Variants in EPHA3 observed in about 807,000 individuals in gnomAD.
The protein encoded by EPHA3 is ephrin type-A receptor 3.
Under a neutral mutation model 107.1 loss-of-function variants are expected in EPHA3, and 42 were observed. That is an observed-to-expected ratio of 0.39 (90% CI 0.31 to 0.51). EPHA3 has a LOEUF of 0.51. Ranked by LOEUF, EPHA3 falls within the 20% of genes least tolerant of loss-of-function variation. The probability of loss-of-function intolerance (pLI) is 0.78; values close to 1 mark genes in which losing one functional copy is unlikely to be tolerated. For missense variants in EPHA3, 1,183 were observed against 1,211.2 expected (o/e 0.98, Z 0.35); for synonymous variants, 461 against 424.8 (o/e 1.09, Z -1.05).
At chr3:89,274,841 C>T (rs1576282381) in intron 3 of EPHA3, among the ~76,000 whole-genome samples, 1 of 152,040 alleles carries the variant, frequency 6.6e-6, no homozygotes, top group South Asian at 2.1e-4. Context: ...TAATCTTCAC[C>T]AAGCCACTCC....
At chr3:89,122,741 A>G (rs1243252280) in intron 1 of EPHA3, among the ~76,000 whole-genome samples, 2 of 152,220 alleles carry the variant, frequency 1.3e-5, no homozygotes, top group Non-Finnish European at 2.9e-5. Flanking sequence ...AAAACTCCAG[A>G]AACTTGTACA....
In EPHA3 at chr3:89,450,303, G is replaced by A; in HGVS notation, c.2623G>A (p.Val875Ile). Residue 875 changes from valine to isoleucine, a missense_variant, in exon 15 of 17, where the codon GTT becomes ATT. Coordinates refer to ENST00000336596, the MANE Select transcript of EPHA3 (RefSeq NM_005233.6). ...CAACAGACCCAAGTTTGAGCAGATT[G>A]TTAGTATTCTGGACAAGCTTATCCG... ...RNNRPKFEQI[V>I]SILDKLIRNP... is the part of the protein sequence containing the mutation. 1 of 1,614,002 alleles carries A rather than the reference G, an allele frequency of 6.2e-7. No individual in the cohort carries two copies. The highest frequency in any genetic ancestry group is 8.5e-7 in the Non-Finnish European group (1 of 1,179,950).
At chr3:89,324,857 C>G (rs553126098) in intron 3 of EPHA3, among the ~76,000 whole-genome samples, 2 of 152,140 alleles carry the variant, frequency 1.3e-5, no homozygotes, top group Admixed American at 6.5e-5. Context: ...CCACCTCCCT[C>G]TTTCCTTGCC....
At chr3:89,180,673 T>C (rs1306266511) in intron 2 of EPHA3, among the ~76,000 whole-genome samples, 3 of 151,990 alleles carry the variant, frequency 2.0e-5, no homozygotes, top group Non-Finnish European at 4.4e-5. Flanking sequence ...ATAAAACAAT[T>C]GGACTGTTTC....
intron 3 of EPHA3, among the ~76,000 whole-genome samples, chr3:89,285,744 G>T (rs1425903065): frequency 5.3e-5 from 8 of 152,150 alleles, no homozygotes; most frequent in Non-Finnish European, 8.8e-5. Context: ...GTCAATCACT[G>T]AGACAACAAG....
intron 7 of EPHA3, among the ~76,000 whole-genome samples, chr3:89,401,209 A>G (rs532440451): frequency 5.3e-5 from 8 of 152,350 alleles, no homozygotes; most frequent in African/African-American, 1.9e-4. Flanking sequence ...CTGTCGGACA[A>G]TTAGAAATGC....
At chr3:89,253,591 T>G (rs1705212837) in intron 3 of EPHA3, among the ~76,000 whole-genome samples, 1 of 152,132 alleles carries the variant, frequency 6.6e-6, no homozygotes, top group African/African-American at 2.4e-5. Flanking sequence ...GTCTAATTCT[T>G]GCAAAAATGT....
intron 3 of EPHA3, among the ~76,000 whole-genome samples, chr3:89,327,886 T>C (rs896256119): frequency 6.6e-6 from 1 of 151,682 alleles, no homozygotes; most frequent in Non-Finnish European, 1.5e-5. Flanking sequence ...TCACTTGAGG[T>C]GAGAAATTTG....
chr3:89,402,972 C>T (rs1357630910), intron 7 of EPHA3, among the ~76,000 whole-genome samples: 1 of 152,150 alleles, frequency 6.6e-6, no homozygotes, highest in Non-Finnish European at 1.5e-5. Flanking sequence ...GCCACCGTGC[C>T]CAGCCGGTTT....
chr3:89,330,414 G>GT (rs560784330), intron 3 of EPHA3, among the ~76,000 whole-genome samples: 29 of 151,546 alleles, frequency 1.9e-4, no homozygotes, highest in East Asian at 7.8e-4. Flanking sequence ...TATATCATAG[G>GT]TTTTTTTTAA....
chr3:89,125,653 G>A (rs1704080723), intron 1 of EPHA3, among the ~76,000 whole-genome samples: 1 of 151,420 alleles, frequency 6.6e-6, no homozygotes, highest in South Asian at 2.1e-4. Flanking sequence ...AATTTATTGG[G>A]AAAAAATTCT....
chr3:89,405,794 G>A (rs1172391955), intron 7 of EPHA3, among the ~76,000 whole-genome samples: 1 of 152,112 alleles, frequency 6.6e-6, no homozygotes, highest in East Asian at 1.9e-4. Context: ...ATGCAAATAA[G>A]AGCATAAAAG....
intron 10 of EPHA3, among the ~76,000 whole-genome samples, chr3:89,415,074 A>T (rs1709220487): frequency 6.6e-6 from 1 of 151,592 alleles, no homozygotes. Context: ...AATACAATAT[A>T]CACACCCAAT....
At chr3:89,393,122 G>A (rs1708778155) in intron 5 of EPHA3, among the ~76,000 whole-genome samples, 2 of 152,108 alleles carry the variant, frequency 1.3e-5, no homozygotes, top group Non-Finnish European at 2.9e-5. Flanking sequence ...CAGCACAAGG[G>A]GCGTGTATTA....
intron 16 of EPHA3, among the ~76,000 whole-genome samples, chr3:89,473,333 G>T (rs17801380): frequency 0.19 from 29,073 of 152,060 alleles, 3,371 homozygotes; most frequent in Non-Finnish European, 0.25. Context: ...AATCATCTTT[G>T]GGTAACAGGA....
At chr3:89,257,567 A>G (rs1705313842) in intron 3 of EPHA3, among the ~76,000 whole-genome samples, 1 of 152,038 alleles carries the variant, frequency 6.6e-6, no homozygotes, top group Admixed American at 6.6e-5. Context: ...GTGTTTGAAG[A>G]CTAACGGGAA....
chr3:89,205,315 A>G (rs1410964305), intron 2 of EPHA3, among the ~76,000 whole-genome samples: 1 of 152,214 alleles, frequency 6.6e-6, no homozygotes, highest in Admixed American at 6.5e-5. Context: ...AATAGTTATT[A>G]GGTAAATGCC....
At chr3:89,154,575 T>G (rs1490346925) in intron 2 of EPHA3, among the ~76,000 whole-genome samples, 1 of 151,718 alleles carries the variant, frequency 6.6e-6, no homozygotes, top group East Asian at 1.9e-4. Context: ...GAACAATATT[T>G]TAAATTGTTT....
Position 89,350,256 on chromosome 3 carries a change from A to G in EPHA3, c.1306+8166A>G, listed in dbSNP as rs1321850555. Among the ~76,000 whole-genome samples the G allele has an allele frequency of 8.0e-5, 12 of 150,128 alleles. 2 individuals are homozygous for G. The highest frequency in any genetic ancestry group is 1.6e-4 in the Non-Finnish European group (11 of 66,804). ...CTCCCCGTCACTTTCAGGTACACCAATCAGACGTAGATTTGGTCTTTTCAC... is the reference window on the plus strand; with the variant it reads ...CTCCCCGTCACTTTCAGGTACACCAGTCAGACGTAGATTTGGTCTTTTCAC... On this transcript the variant is annotated intron_variant, in intron 5 of 16. Coordinates refer to ENST00000336596, the MANE Select transcript of EPHA3 (RefSeq NM_005233.6).
Sources: allele counts gnomAD v4.1 joint callset (sites outside exome capture counted in the v4.1 genomes callset), GRCh38; gene constraint gnomAD v4.1.1; transcripts MANE v1.5; gene names NCBI Gene and HGNC (gene_info 2026-07-23, HGNC 2026-07-21).